Variants in ABCA5 observed in about 807,000 individuals in gnomAD.
ABCA5 encodes the protein ATP binding cassette subfamily A member 5, also known as cholesterol transporter ABCA5.
A neutral mutation model predicts 206.0 loss-of-function variants in ABCA5; 163 were observed. That is an observed-to-expected ratio of 0.79 (90% CI 0.70 to 0.90). The LOEUF (loss-of-function observed/expected upper bound fraction) is 0.90, where lower values mean the gene tolerates loss of function less well. Ranked by LOEUF, ABCA5 falls within the 40% of genes least tolerant of loss-of-function variation. The pLI, the probability that ABCA5 is intolerant of heterozygous loss-of-function variation, is 0.00. For synonymous variants in ABCA5, 609 were observed against 613.8 expected (o/e 0.99, Z 0.11); for missense variants, 1,859 against 1,912.9 (o/e 0.97, Z 0.53).
chr17:69,277,407 G>C (rs1279889577), intron 19 of ABCA5, among the ~76,000 whole-genome samples: 1 of 152,106 alleles, frequency 6.6e-6, no homozygotes, highest in Admixed American at 6.5e-5. Flanking sequence ...GGGAATATTT[G>C]TTATTTCCTC....
intron 17 of ABCA5, among the ~76,000 whole-genome samples, chr17:69,284,519 T>C (rs1260851020): frequency 1.3e-5 from 2 of 152,112 alleles, no homozygotes; most frequent in East Asian, 3.8e-4. Flanking sequence ...AATAAATATG[T>C]ACATTAGAAA....
chr17:69,316,673 A>G (rs1271902151), intron 1 of ABCA5, among the ~76,000 whole-genome samples: 2 of 152,134 alleles, frequency 1.3e-5, no homozygotes, highest in African/African-American at 4.8e-5. Context: ...AAGTTTCAAG[A>G]AAGTTGGTGA....
chr17:69,256,325 A>G (rs2075079658), intron 28 of ABCA5, 42 bp from the exon 29 acceptor site: 1 of 1,310,528 alleles, frequency 7.6e-7, no homozygotes, highest in Non-Finnish European at 1.0e-6. Context: ...AGGTTTTCAA[A>G]TAATTAAAAT....
At chr17:69,300,317 G>A (rs1319481475) in intron 9 of ABCA5, among the ~76,000 whole-genome samples, 1 of 152,190 alleles carries the variant, frequency 6.6e-6, no homozygotes, top group African/African-American at 2.4e-5. Context: ...GTGGAGCTCA[G>A]GTGGTAATGC....
chr17:69,288,291 G>A (rs570578374), intron 14 of ABCA5, among the ~76,000 whole-genome samples: 2 of 152,198 alleles, frequency 1.3e-5, no homozygotes, highest in East Asian at 3.9e-4. Context: ...CTAGCTGCAT[G>A]CATGCACCTG....
intron 4 of ABCA5, among the ~76,000 whole-genome samples, chr17:69,309,014 A>C (rs2075745236): frequency 6.6e-6 from 1 of 152,098 alleles, no homozygotes; most frequent in Admixed American, 6.5e-5. Flanking sequence ...ATTTTGCTTT[A>C]TGCTACTGTA....
chr17:69,285,881 C>T lies in ABCA5; in HGVS notation c.2272+17G>A. On this transcript the variant is annotated intron_variant, in intron 17 of 38. Coordinates refer to ENST00000392676, the MANE Select transcript of ABCA5 (RefSeq NM_172232.4). Reference sequence around the variant, plus strand: ...GGATCCCAGTTCAAACACCAAGAGACTTAAAGTAAGTAATACCTGAAAATT... The same window carrying T: ...GGATCCCAGTTCAAACACCAAGAGATTTAAAGTAAGTAATACCTGAAAATT... 1 of 1,604,688 alleles carries T rather than the reference C, an allele frequency of 6.2e-7. No homozygotes were observed. The highest frequency in any genetic ancestry group is 8.5e-7 in the Non-Finnish European group (1 of 1,176,168).
rs749467654 is a variant in ABCA5, at chr17:69,313,239, G to A, written c.160C>T (p.Pro54Ser). Residue 54 changes from proline (P) to serine (S), a missense_variant, in exon 3 of 39, where the codon CCA (proline) becomes TCA (serine). Transcript: ENST00000392676. ...FWLILISMMH[P>S]NKKYEEVPNI... ...GGCACTTCTTCATATTTCTTATTTG[G>A]ATGCATCATGCTAATTAATATTAAC... 2 of 1,515,014 alleles carry A rather than the reference G, an allele frequency of 1.3e-6. No individual in the cohort carries two copies. The highest frequency in any genetic ancestry group is 2.3e-5 in the South Asian group (2 of 87,674). 93.8% of individuals were successfully genotyped at this position (1,515,014 alleles called of 1,614,324 possible). A position where few individuals can be genotyped will look rare whatever the true frequency, so the allele number is the denominator to read the frequency against.
At chr17:69,270,533 T>C in intron 22 of ABCA5, 80 bp downstream of exon 22, 1 of 1,266,600 alleles carries the variant, frequency 7.9e-7, no homozygotes, top group Non-Finnish European at 1.1e-6. Context: ...CTACATATTT[T>C]GTTATTTTTG....
intron 17 of ABCA5, 125 bp downstream of exon 17, chr17:69,285,773 T>C: frequency 9.5e-7 from 1 of 1,049,716 alleles, no homozygotes. Flanking sequence ...AAACAGAATA[T>C]TAACTCTGGC....
intron 3 of ABCA5, among the ~76,000 whole-genome samples, chr17:69,312,583 T>C (rs1259140514): frequency 6.6e-6 from 1 of 152,146 alleles, no homozygotes; most frequent in Non-Finnish European, 1.5e-5. Context: ...TTTAAATTTT[T>C]TATTGTTATA....
chr17:69,252,836 CAA>C (rs34161698), intron 34 of ABCA5, among the ~76,000 whole-genome samples: 69 of 96,980 alleles, frequency 7.1e-4, no homozygotes, highest in Non-Finnish European at 7.9e-4. Flanking sequence ...GACTCTGACT[CAA>C]AAAAAAAAAA....
chr17:69,263,419 G>T (rs2075171360), intron 24 of ABCA5, among the ~76,000 whole-genome samples: 1 of 152,088 alleles, frequency 6.6e-6, no homozygotes, highest in African/African-American at 2.4e-5. Flanking sequence ...GGTGAAAGGT[G>T]GAGGTCCAAT....
chr17:69,275,359 T>C (rs2075320410), intron 19 of ABCA5, among the ~76,000 whole-genome samples: 1 of 152,210 alleles, frequency 6.6e-6, no homozygotes, highest in Admixed American at 6.5e-5. Context: ...TATCTATATA[T>C]CACATGTAAT....
At chr17:69,252,293 G>T (rs1014316036) in intron 34 of ABCA5, among the ~76,000 whole-genome samples, 2 of 151,992 alleles carry the variant, frequency 1.3e-5, no homozygotes, top group African/African-American at 4.8e-5. Context: ...GATTACAGGC[G>T]TGAGCCACTG....
chr17:69,251,610 A>T, intron 35 of ABCA5, 137 bp downstream of exon 35: 1 of 1,177,278 alleles, frequency 8.5e-7, no homozygotes, highest in Non-Finnish European at 1.1e-6. Context: ...CTTCCAAGTC[A>T]ATCTATCAAA....
At chr17:69,291,406 A>G in intron 11 of ABCA5, 80 bp from the exon 12 acceptor site, 1 of 841,896 alleles carries the variant, frequency 1.2e-6, no homozygotes, top group Non-Finnish European at 1.9e-6. Context: ...TATTTGAGCA[A>G]TCTTCAAGGC....
At chr17:69,247,709 T>G in intron 38 of ABCA5, 65 bp from the exon 39 acceptor site, 1 of 881,094 alleles carries the variant, frequency 1.1e-6, no homozygotes, top group South Asian at 1.6e-5. Context: ...AACTTTTAAC[T>G]AAATCAGAAA....
chr17:69,299,146 T>C (rs890282614), intron 9 of ABCA5, among the ~76,000 whole-genome samples: 1 of 152,126 alleles, frequency 6.6e-6, no homozygotes, highest in Non-Finnish European at 1.5e-5. Flanking sequence ...ATGGCCATTA[T>C]CGAAACATCA....
Sources: allele counts gnomAD v4.1 joint callset (sites outside exome capture counted in the v4.1 genomes callset), GRCh38; gene constraint gnomAD v4.1.1; transcripts MANE v1.5; gene names NCBI Gene and HGNC (gene_info 2026-07-23, HGNC 2026-07-21).